The following SRRM4 variants were observed in gnomAD, a reference collection of about 807,000 sequenced individuals.
SRRM4 encodes serine/arginine repetitive matrix 4, also known as serine/arginine repetitive matrix protein 4.
A neutral mutation model predicts 68.9 loss-of-function variants in SRRM4; 33 were observed. The ratio of observed to expected loss-of-function variants is 0.48; its 90% CI spans 0.36 to 0.64. The LOEUF is 0.64. SRRM4 is among the 30% of genes least tolerant of loss of function. SRRM4 has a pLI of 0.00. For missense variants in SRRM4, 817 were observed against 827.1 expected, an observed-to-expected ratio of 0.99 and a Z score of 0.15; for synonymous variants, 318 against 318.8, an observed-to-expected ratio of 1.00 and a Z score of 0.03.
At chr12:118,985,967 C>A (rs545193607) in intron 1 of SRRM4, among the ~76,000 whole-genome samples, 1 of 152,324 alleles carries the variant, frequency 6.6e-6, no homozygotes, top group South Asian at 2.1e-4. Context: ...CCTTACAATT[C>A]TTTTAGCAAG....
At chr12:119,052,464 T>C (rs1483446589) in intron 1 of SRRM4, among the ~76,000 whole-genome samples, 1 of 152,208 alleles carries the variant, frequency 6.6e-6, no homozygotes, top group African/African-American at 2.4e-5. Context: ...AACCAAGTAC[T>C]GGCATAGAGA....
At chr12:119,031,496 A>G (rs1367385725) in intron 1 of SRRM4, among the ~76,000 whole-genome samples, 1 of 152,196 alleles carries the variant, frequency 6.6e-6, no homozygotes, top group East Asian at 1.9e-4. Context: ...GAAAGAAGGG[A>G]TTATTAGGGA....
chr12:119,072,141 C>A (rs932966715), intron 1 of SRRM4, among the ~76,000 whole-genome samples: 1 of 152,214 alleles, frequency 6.6e-6, no homozygotes, highest in Non-Finnish European at 1.5e-5. Context: ...GAGATAATGC[C>A]TTTGCAGATA....
chr12:119,034,772 G>GACACTT (rs1033817897), intron 1 of SRRM4, among the ~76,000 whole-genome samples: 1 of 152,102 alleles, frequency 6.6e-6, no homozygotes, highest in Non-Finnish European at 1.5e-5. Flanking sequence ...TTTGCTTGTG[G>GACACTT]ACACTTTCGT....
Position 119,154,363 on chromosome 12 carries a change from G to A in SRRM4, c.1512G>A (p.Leu504=), listed in dbSNP as rs777059963. 7.4e-6 allele frequency: 12 copies of A among 1,613,036 alleles called. No homozygotes were observed. The African/African-American group carries it at 1.3e-4, about 18-fold the overall frequency. ...RKRRRDSPSH[L]EARRITSARK... Reference sequence around the variant, plus strand: ...GCCGGAGAGACTCCCCGAGCCACCTGGAGGCCCGGAGGATAACCAGGTGAG... The same window carrying A: ...GCCGGAGAGACTCCCCGAGCCACCTAGAGGCCCGGAGGATAACCAGGTGAG... The change falls in exon 12 of 13, where the codon CTG becomes CTA. Residue 504 remains leucine (L), a synonymous_variant. Coordinates refer to ENST00000267260, the MANE Select transcript of SRRM4 (RefSeq NM_194286.4). This position sits in a 1 kb window ranked among gnomAD's most constrained non-coding sequence, Gnocchi z 4.7.
At chr12:119,135,393 A>G (rs532041155) in intron 8 of SRRM4, among the ~76,000 whole-genome samples, 1 of 152,346 alleles carries the variant, frequency 6.6e-6, no homozygotes, top group Admixed American at 6.5e-5. Flanking sequence ...AATCCTTGTC[A>G]ACAAAAACCT....
intron 1 of SRRM4, among the ~76,000 whole-genome samples, chr12:119,067,772 C>T (rs1953855478): frequency 6.6e-6 from 1 of 151,912 alleles, no homozygotes; most frequent in African/African-American, 2.4e-5. Flanking sequence ...GAATGGAATC[C>T]CAGCTCCTCC....
chr12:119,073,492 T>C (rs920463602), intron 1 of SRRM4, among the ~76,000 whole-genome samples: 1 of 152,064 alleles, frequency 6.6e-6, no homozygotes, highest in Non-Finnish European at 1.5e-5. Flanking sequence ...GCCCAGCTAA[T>C]TTTTGTATTT....
intron 8 of SRRM4, among the ~76,000 whole-genome samples, chr12:119,143,792 A>G (rs1183774433): frequency 6.6e-6 from 1 of 152,192 alleles, no homozygotes; most frequent in Non-Finnish European, 1.5e-5. Flanking sequence ...TCATTTAAAC[A>G]GAGAATTTTG....
At chr12:119,122,238 G>A (rs915349764) in intron 6 of SRRM4, 118 bp downstream of exon 6, 4 of 562,220 alleles carry the variant, frequency 7.1e-6, no homozygotes, top group Non-Finnish European at 1.2e-5. Flanking sequence ...GAAGGTGAGC[G>A]GGTGAAAGGA....
Position 119,122,223 on chromosome 12 carries a change from G to C in SRRM4, c.515+103G>C, listed in dbSNP as rs1482324428. On this transcript the variant is annotated intron_variant, in intron 6 of 12. Coordinates refer to ENST00000267260, the MANE Select transcript of SRRM4 (RefSeq NM_194286.4). ...GAGTTGCCAAATAAACAGGGAAAGG[G>C]AGGAGAAGGTGAGCGGGTGAAAGGA... 1.6e-5 allele frequency: 11 copies of C among 705,022 alleles called. No homozygotes were observed. In the East Asian group the frequency reaches 3.3e-4, roughly 21 times the overall value. 43.7% of individuals were successfully genotyped at this position (705,022 alleles called of 1,614,324 possible).
At chr12:119,047,738 G>A (rs1350040824) in intron 1 of SRRM4, among the ~76,000 whole-genome samples, 3 of 152,200 alleles carry the variant, frequency 2.0e-5, no homozygotes, top group Admixed American at 1.3e-4. Flanking sequence ...AGGCAAGTGG[G>A]AAAACACAAT....
At chr12:119,019,580 CCT>C (rs746240085) in intron 1 of SRRM4, among the ~76,000 whole-genome samples, 14 of 152,128 alleles carry the variant, frequency 9.2e-5, no homozygotes, top group Non-Finnish European at 1.5e-4. Context: ...GCTCATGCAC[CCT>C]GTTACCTTCT....
chr12:119,034,037 G>A (rs1434319700), intron 1 of SRRM4, among the ~76,000 whole-genome samples: 2 of 152,100 alleles, frequency 1.3e-5, no homozygotes, highest in South Asian at 2.1e-4. Flanking sequence ...GGTCTGAGAC[G>A]GAAATTAGCA....
Position 119,145,693 on chromosome 12 carries a change from C to T in SRRM4, c.1076+8C>T, listed in dbSNP as rs1467452438. On this transcript the variant is annotated splice_region_variant and intron_variant, in intron 9 of 12. Transcript: ENST00000267260. ...CAGGGGCAGAGAGTCAAGGTCAGTG[C>T]ACCACACAGGGTCGGGGGTAGACGG... is the stretch of plus-strand genomic sequence containing the variant. 6.6e-7 allele frequency: 1 copy of T among 1,509,608 alleles called. No individual in the cohort carries two copies. Among genetic ancestry groups the T allele is most frequent in the Non-Finnish European group, 8.9e-7 (1 of 1,129,602 alleles). The allele number at this position is 1,509,608 out of a possible 1,614,324, so 93.5% of individuals were successfully genotyped here. A position where few individuals can be genotyped will look rare whatever the true frequency, so the allele number is the denominator to read the frequency against.
At position 119,151,127 on chromosome 12, in the gene SRRM4, C is replaced by G; in HGVS notation, c.1187C>G (p.Ala396Gly). ...GGGTGTTCCCGCAGCTCCTCCTATG[C>G]CAGCACCCGATCCTCCAGTCACTCG... ...MKGCSRSSSY[A>G]STRSSSHSSR... The change falls in exon 10 of 13, where the codon GCC becomes GGC. Residue 396 changes from alanine to glycine, a missense_variant. By Grantham distance (60) the Ala-to-Gly change is moderately conservative. Coordinates refer to ENST00000267260, the MANE Select transcript of SRRM4 (RefSeq NM_194286.4). 6.2e-7 allele frequency: 1 copy of G among 1,614,004 alleles called. No homozygotes were observed. Among genetic ancestry groups the G allele is most frequent in the South Asian group, 1.1e-5 (1 of 91,086 alleles).
rs34680171 is a variant in SRRM4 at position 119,126,014 on chromosome 12, C to CTTTTTT, written c.614+557_614+562dup. Among the ~76,000 whole-genome samples, 3 of 71,162 alleles carry CTTTTTT rather than the reference C, an allele frequency of 4.2e-5. 1 individual carries two copies. The highest frequency in any genetic ancestry group is 1.1e-4 in the African/African-American group (2 of 17,722). The allele number at this position is 71,162 out of a possible 152,430, so 46.7% of individuals were successfully genotyped here. A position where few individuals can be genotyped will look rare whatever the true frequency, so the allele number is the denominator to read the frequency against. ...AGGAATGACAACACCATACTAGCTG[C>CTTTTTT]TTTTTTTTTTTTTTTTTTTTTTTTT... On this transcript the variant is annotated intron_variant, in intron 7 of 12. Coordinates refer to ENST00000267260, the MANE Select transcript of SRRM4 (RefSeq NM_194286.4).
At chr12:119,003,115 A>G (rs1175289337) in intron 1 of SRRM4, among the ~76,000 whole-genome samples, 1 of 151,778 alleles carries the variant, frequency 6.6e-6, no homozygotes, top group East Asian at 2.0e-4. Context: ...ACCATACCAC[A>G]CTGCTACCAG....
At chr12:119,145,100 T>C (rs1218369808) in intron 8 of SRRM4, among the ~76,000 whole-genome samples, 1 of 152,192 alleles carries the variant, frequency 6.6e-6, no homozygotes, top group Non-Finnish European at 1.5e-5. Flanking sequence ...TTAAATTTTG[T>C]ATAATTTCCT....
Sources: gnomAD v4.1 joint callset for allele counts (sites outside exome capture counted in the v4.1 genomes callset) on GRCh38, gnomAD v4.1.1 for gene constraint, Gnocchi (gnomAD v3.1) non-coding constraint, MANE v1.5 for transcripts, NCBI Gene and HGNC (gene_info 2026-07-23, HGNC 2026-07-21) for gene names.